Variants in RALGPS1 observed in about 807,000 individuals in gnomAD.
RALGPS1 encodes the protein ras-specific guanine nucleotide-releasing factor RalGPS1.
In RALGPS1, 19 loss-of-function variants were observed where a neutral mutation model predicts 78.8. The ratio of observed to expected loss-of-function variants is 0.24; its 90% confidence interval spans 0.17 to 0.35. The LOEUF is 0.35. RALGPS1 is among the 10% of genes least tolerant of loss of function. RALGPS1 has a pLI of 1.00. For synonymous variants in RALGPS1, 228 were observed against 256.3 expected (o/e 0.89, Z 1.06); for missense variants, 454 against 688.3 (o/e 0.66, Z 3.81).
chr9:127,184,104 T>G, intron 11 of RALGPS1: 1 of 1,503,448 alleles, frequency 6.7e-7, no homozygotes, highest in Non-Finnish European at 8.9e-7. Flanking sequence ...AGCAGGAGGA[T>G]CACTTGAGCC....
At chr9:126,947,184 G>C (rs2037356340) in intron 1 of RALGPS1, among the ~76,000 whole-genome samples, 1 of 152,046 alleles carries the variant, frequency 6.6e-6, no homozygotes, top group African/African-American at 2.4e-5. Context: ...GGTGGTGGAG[G>C]GTGTTACCAG....
At chr9:126,986,969 T>C (rs2041859668) in intron 4 of RALGPS1, among the ~76,000 whole-genome samples, 1 of 152,180 alleles carries the variant, frequency 6.6e-6, no homozygotes, top group South Asian at 2.1e-4. Flanking sequence ...GCGCGGTGCC[T>C]GTACAAAGCA....
At chr9:127,018,861 G>A (rs955717990) in intron 4 of RALGPS1, among the ~76,000 whole-genome samples, 7 of 151,982 alleles carry the variant, frequency 4.6e-5, no homozygotes, top group African/African-American at 1.7e-4. Flanking sequence ...CTATGACTAC[G>A]GCATCACTAG....
chr9:126,977,963 T>C, intron 4 of RALGPS1: 1 of 422,592 alleles, frequency 2.4e-6, no homozygotes, highest in South Asian at 4.7e-5. Context: ...CTGGCAGGGC[T>C]GGGAGCAGTT....
Position 126,921,975 on chromosome 9 carries a change from T to C in RALGPS1, c.-66+7000T>C, listed in dbSNP as rs564482519. On this transcript the variant is annotated intron_variant, in intron 1 of 18. Coordinates refer to ENST00000259351, the MANE Select transcript of RALGPS1 (RefSeq NM_014636.3). ...CACAAGCAATGTGTTAAAACACACATGTACTTGGTGATGGGGGGCTGGGAA... is the reference window on the plus strand; with the variant it reads ...CACAAGCAATGTGTTAAAACACACACGTACTTGGTGATGGGGGGCTGGGAA... Among the ~76,000 whole-genome samples, 6 of 152,328 alleles carry C rather than the reference T, an allele frequency of 3.9e-5. No homozygotes were observed. In the South Asian group the frequency reaches 8.3e-4, roughly 21 times the overall value.
At chr9:127,155,540 T>C (rs2058663136) in intron 8 of RALGPS1, among the ~76,000 whole-genome samples, 1 of 152,138 alleles carries the variant, frequency 6.6e-6, no homozygotes, top group South Asian at 2.1e-4. Context: ...GGAAAGGTAG[T>C]GTGGGGCAGA....
At chr9:127,035,294 A>G (rs970818937) in intron 5 of RALGPS1, among the ~76,000 whole-genome samples, 1 of 152,126 alleles carries the variant, frequency 6.6e-6, no homozygotes, top group African/African-American at 2.4e-5. Context: ...GCCTTGCACT[A>G]CTTTAAACTG....
intron 4 of RALGPS1, among the ~76,000 whole-genome samples, chr9:127,026,970 C>T (rs932448703): frequency 6.6e-6 from 1 of 152,224 alleles, no homozygotes; most frequent in Non-Finnish European, 1.5e-5. Flanking sequence ...GGGGTGCTGG[C>T]TGAGACAGTG....
chr9:126,973,769 C>T (rs989848418), intron 3 of RALGPS1, among the ~76,000 whole-genome samples: 1 of 152,148 alleles, frequency 6.6e-6, no homozygotes, highest in Non-Finnish European at 1.5e-5. Context: ...TCCTCCCAAC[C>T]CCCAGCAACC....
chr9:127,202,569 A>G (rs963162011), intron 14 of RALGPS1, among the ~76,000 whole-genome samples: 1 of 152,002 alleles, frequency 6.6e-6, no homozygotes, highest in African/African-American at 2.4e-5. Context: ...CTGTCTCCTC[A>G]CCCATGTCAG....
At chr9:127,198,524 C>T (rs1248488942) in intron 13 of RALGPS1, among the ~76,000 whole-genome samples, 1 of 152,196 alleles carries the variant, frequency 6.6e-6, no homozygotes, top group Non-Finnish European at 1.5e-5. Context: ...TCTCTGTGAC[C>T]CCACTGGCCA....
chr9:127,121,949 G>A (rs1009894586), intron 8 of RALGPS1, among the ~76,000 whole-genome samples: 27 of 152,206 alleles, frequency 1.8e-4, no homozygotes, highest in African/African-American at 6.3e-4. Context: ...CCTGCCTTCT[G>A]CAGCTCTTCA....
chr9:127,134,259 A>T (rs1564641703), intron 8 of RALGPS1, among the ~76,000 whole-genome samples: 1 of 152,108 alleles, frequency 6.6e-6, no homozygotes, highest in Non-Finnish European at 1.5e-5. Flanking sequence ...AACACCTCTG[A>T]TAAGCAGCAG....
intron 7 of RALGPS1, among the ~76,000 whole-genome samples, chr9:127,055,557 G>A (rs2048670701): frequency 6.6e-6 from 1 of 152,174 alleles, no homozygotes; most frequent in Admixed American, 6.6e-5. Flanking sequence ...TGTTCTGACA[G>A]CTACCCATTG....
Position 127,126,673 on chromosome 9 carries a change from A to G in RALGPS1, c.611-39396A>G, listed in dbSNP as rs60305173. 5.5e-3 allele frequency among the ~76,000 whole-genome samples: 833 copies of G among 152,282 alleles called. 24 individuals are homozygous for G. In the East Asian group the frequency reaches 0.086, roughly 16 times the overall value. ...AAAGTATTTTATGTCAGATACTACA[A>G]TGTTTGGTTCTAGAATTTTCACTTG... is the stretch of plus-strand genomic sequence containing the variant. On this transcript the variant is annotated intron_variant, in intron 8 of 18. Coordinates refer to ENST00000259351, the MANE Select transcript of RALGPS1 (RefSeq NM_014636.3).
intron 11 of RALGPS1, chr9:127,178,027 C>T (rs1020825042): frequency 2.4e-5 from 36 of 1,512,954 alleles, no homozygotes; most frequent in Non-Finnish European, 2.9e-5. Flanking sequence ...TGGCGAGGCA[C>T]CCATGGGCCG....
chr9:127,038,951 C>T (rs770430849), intron 5 of RALGPS1, among the ~76,000 whole-genome samples: 3 of 152,166 alleles, frequency 2.0e-5, no homozygotes, highest in Non-Finnish European at 4.4e-5. Flanking sequence ...GGTATTTGGG[C>T]AGTCCCATCC....
chr9:127,173,684 T>G (rs1381396941), intron 10 of RALGPS1, among the ~76,000 whole-genome samples: 1 of 152,170 alleles, frequency 6.6e-6, no homozygotes, highest in Non-Finnish European at 1.5e-5. Context: ...TCTAAGGGCA[T>G]CTGATCATGG....
intron 8 of RALGPS1, chr9:127,108,670 G>C: frequency 6.2e-7 from 1 of 1,613,554 alleles, no homozygotes; most frequent in Middle Eastern, 1.7e-4. Flanking sequence ...CTCCTGGCCT[G>C]CAACAGCTCC....
Sources: gnomAD v4.1 joint callset for allele counts (sites outside exome capture counted in the v4.1 genomes callset) on GRCh38, gnomAD v4.1.1 for gene constraint, MANE v1.5 for transcripts, NCBI Gene and HGNC (gene_info 2026-07-23, HGNC 2026-07-21) for gene names.